Variants in PRKDC observed in about 807,000 individuals in gnomAD.
The protein encoded by PRKDC is DNA-dependent protein kinase catalytic subunit.
Under a neutral mutation model 486.9 loss-of-function variants are expected in PRKDC, and 82 were observed. The ratio of observed to expected loss-of-function variants is 0.17; its 90% CI spans 0.14 to 0.20. The LOEUF (loss-of-function observed/expected upper bound fraction) is 0.20. PRKDC is among the 10% of genes least tolerant of loss of function. PRKDC has a pLI of 1.00. For synonymous variants in PRKDC, 1,895 were observed against 1,837.0 expected (o/e 1.03, Z -0.81); for missense variants, 4,504 against 5,038.2 (o/e 0.89, Z 3.21).
chr8:47,893,824 G>A (rs572375210), intron 30 of PRKDC, among the ~76,000 whole-genome samples: 2 of 152,108 alleles, frequency 1.3e-5, no homozygotes, highest in Admixed American at 6.5e-5. Flanking sequence ...CGAATGAGCC[G>A]TTTTTTCCAG....
chr8:47,957,326 G>C, intron 2 of PRKDC, 29 bp downstream of exon 2: 2 of 1,592,808 alleles, frequency 1.3e-6, no homozygotes, highest in Non-Finnish European at 1.7e-6. Flanking sequence ...GAATATACAA[G>C]AAAAGCAAAA....
At chr8:47,855,986 G>A (rs570372920) in intron 49 of PRKDC, among the ~76,000 whole-genome samples, 3 of 152,262 alleles carry the variant, frequency 2.0e-5, no homozygotes, top group Admixed American at 6.5e-5. Flanking sequence ...CAGCTACCTC[G>A]AGCCCGGCAG....
intron 3 of PRKDC, among the ~76,000 whole-genome samples, 190 bp from the exon 4 acceptor site, chr8:47,956,138 G>A (rs949165581): frequency 2.0e-5 from 3 of 152,032 alleles, no homozygotes; most frequent in African/African-American, 4.8e-5. Flanking sequence ...GGAGGTAGGC[G>A]ATCACCTGAG....
chr8:47,872,465 C>A (rs1589756473), intron 40 of PRKDC, among the ~76,000 whole-genome samples: 1 of 120,574 alleles, frequency 8.3e-6, no homozygotes. Context: ...TTGAACTGTC[C>A]AATAAAAATA....
intron 59 of PRKDC, among the ~76,000 whole-genome samples, 182 bp from the exon 60 acceptor site, chr8:47,832,108 A>G (rs1335116308): frequency 1.3e-5 from 2 of 152,240 alleles, no homozygotes; most frequent in Non-Finnish European, 1.5e-5. Flanking sequence ...TTCAGCAGGC[A>G]TGAGCGCTGA....
At chr8:47,879,731 T>C (rs1589761381) in intron 38 of PRKDC, 73 bp from the exon 39 acceptor site, 1 of 1,252,016 alleles carries the variant, frequency 8.0e-7, no homozygotes, top group South Asian at 1.9e-5. Context: ...ATAAAATTAC[T>C]GTAAGACATT....
intron 52 of PRKDC, among the ~76,000 whole-genome samples, chr8:47,851,488 A>G (rs1196140681): frequency 1.3e-5 from 2 of 152,192 alleles, no homozygotes; most frequent in Non-Finnish European, 2.9e-5. Flanking sequence ...ACTTGGTGAC[A>G]TGGACAAGGG....
chr8:47,788,760 G>A, intron 76 of PRKDC, 146 bp downstream of exon 76: 1 of 865,714 alleles, frequency 1.2e-6, no homozygotes, highest in Non-Finnish European at 1.6e-6. Flanking sequence ...GAAAGCATGA[G>A]ACCTAAAGCA....
chr8:47,912,047 A>G (rs1465005558), intron 25 of PRKDC, among the ~76,000 whole-genome samples: 3 of 152,128 alleles, frequency 2.0e-5, no homozygotes, highest in Non-Finnish European at 4.4e-5. Context: ...CTGGGATTAC[A>G]GATGTGAGCC....
intron 73 of PRKDC, among the ~76,000 whole-genome samples, chr8:47,796,634 C>T (rs2086991353): frequency 1.3e-5 from 2 of 150,878 alleles, no homozygotes; most frequent in South Asian, 4.2e-4. Flanking sequence ...GAGTCTTGCT[C>T]TGTCGTCTAG....
At chr8:47,789,817 C>A (rs2086855643) in intron 74 of PRKDC, among the ~76,000 whole-genome samples, 2 of 152,184 alleles carry the variant, frequency 1.3e-5, no homozygotes, top group South Asian at 4.1e-4. Context: ...AGGACAAAAA[C>A]CACTGATCAT....
In PRKDC at chr8:47,960,132, C is replaced by T. The variant is rs1241346188; in HGVS notation, c.-6G>A. The T allele has an allele frequency of 6.7e-6, 10 of 1,483,644 alleles. No individual in the cohort carries two copies. Among genetic ancestry groups the T allele is most frequent in the Non-Finnish European group, 8.0e-6 (9 of 1,118,610 alleles). The allele number at this position is 1,483,644 out of a possible 1,614,324, so 91.9% of individuals were successfully genotyped here. A position where few individuals can be genotyped will look rare whatever the true frequency, so the allele number is the denominator to read the frequency against. On this transcript the variant is annotated 5_prime_UTR_variant, in exon 1 of 86. Transcript: ENST00000314191. The stretch of plus-strand genomic sequence containing the variant: ...CCGGCTCCGGAGCCCGCCATGCCGC[C>T]GAGTCCCGCTCCCGCGCGTGCGCCC...
chr8:47,941,001 G>A (rs2090434441), intron 10 of PRKDC, among the ~76,000 whole-genome samples: 1 of 151,896 alleles, frequency 6.6e-6, no homozygotes, highest in African/African-American at 2.4e-5. Context: ...ACGGTGGCAG[G>A]TGCCTATAAT....
chr8:47,794,074 G>T (rs1249974172), intron 74 of PRKDC, among the ~76,000 whole-genome samples: 1 of 151,966 alleles, frequency 6.6e-6, no homozygotes, highest in African/African-American at 2.4e-5. Context: ...AGAATGTTTT[G>T]TTAGCAGTGT....
In PRKDC at chr8:47,830,671, G is replaced by A. The variant is rs769525978; in HGVS notation, c.8331C>T (p.His2777=). 5.0e-6 allele frequency: 8 copies of A among 1,613,850 alleles called. No homozygotes were observed. In the African/African-American group the frequency reaches 8.0e-5, roughly 16 times the overall value. Residue 2777 remains histidine (H), a synonymous_variant, in exon 61 of 86, where the codon CAC becomes CAT. Transcript: ENST00000314191. ...AQVVLYRSYR[H]GDLPDIQIKH... is the part of the protein sequence containing the mutation. Reference sequence around the variant, plus strand: ...TGATCTGAATGTCAGGAAGGTCTCCGTGCCGGTAGCTTCTGTACAGAACGA... The same window carrying A: ...TGATCTGAATGTCAGGAAGGTCTCCATGCCGGTAGCTTCTGTACAGAACGA...
At chr8:47,907,695 C>T (rs540212998) in intron 25 of PRKDC, among the ~76,000 whole-genome samples, 11 of 151,850 alleles carry the variant, frequency 7.2e-5, no homozygotes, top group South Asian at 4.2e-4. Context: ...CCACCACGCC[C>T]GGCTAATTTT....
intron 40 of PRKDC, 74 bp downstream of exon 40, chr8:47,877,650 T>TGGAACAGAGA: frequency 7.4e-7 from 1 of 1,347,282 alleles, no homozygotes; most frequent in Non-Finnish European, 9.7e-7. Context: ...GCTTTTTTTT[T>TGGAACAGAGA]GGAACAGAGA....
chr8:47,825,924 C>A (rs966203198), intron 63 of PRKDC, among the ~76,000 whole-genome samples: 6 of 152,152 alleles, frequency 3.9e-5, no homozygotes, highest in African/African-American at 1.4e-4. Context: ...AGTCTGTGAT[C>A]AATGTCTAAT....
rs372316808 is a variant in PRKDC, at chr8:47,807,205, T to C, written c.9679A>G (p.Ile3227Val). Residue 3227 changes from isoleucine (I) to valine (V), a missense_variant, in exon 69 of 86, where the codon ATC becomes GTC. Coordinates refer to ENST00000314191, the MANE Select transcript of PRKDC (RefSeq NM_006904.7). ...RMEVQEQEED[I>V]SSLIRSCKFS... The stretch of plus-strand genomic sequence containing the variant: ...TTGCAACTCCTGATCAGGGAGCTGA[T>C]ATCTTCTTCCTGCTCTTGCACTTCC... The C allele has an allele frequency of 6.2e-7, 1 of 1,613,970 alleles. No individual in the cohort carries two copies.
Sources: allele counts gnomAD v4.1 joint callset (sites outside exome capture counted in the v4.1 genomes callset), GRCh38; gene constraint gnomAD v4.1.1; transcripts MANE v1.5; gene names NCBI Gene and HGNC (gene_info 2026-07-23, HGNC 2026-07-21).